GABRB1: variants seen among roughly 807,000 people sequenced by gnomAD.
The protein encoded by GABRB1 is gamma-aminobutyric acid type A receptor subunit beta1.
GABRB1 carries 17 observed loss-of-function variants against 51.6 expected under a neutral mutation model. The ratio of observed to expected loss-of-function variants is 0.33; its 90% CI spans 0.23 to 0.49. The LOEUF is 0.49. GABRB1 is among the 20% of genes least tolerant of loss of function. GABRB1 has a pLI of 0.99. For missense variants in GABRB1, 410 were observed against 600.6 expected (o/e 0.68, Z 3.32); for synonymous variants, 247 against 218.9 (o/e 1.13, Z -1.14).
chr4:47,305,882 A>T (rs1302328874), intron 4 of GABRB1, among the ~76,000 whole-genome samples: 1 of 152,108 alleles, frequency 6.6e-6, no homozygotes, highest in East Asian at 1.9e-4. Context: ...TTAAAATAAG[A>T]GTGTAAGTGG....
chr4:47,368,832 G>T (rs1278695544), intron 5 of GABRB1, among the ~76,000 whole-genome samples: 1 of 152,066 alleles, frequency 6.6e-6, no homozygotes, highest in Non-Finnish European at 1.5e-5. Flanking sequence ...TCTTGGCCAG[G>T]CATGGTGGCT....
intron 3 of GABRB1, among the ~76,000 whole-genome samples, chr4:47,146,779 A>C (rs1011995158): frequency 3.3e-5 from 5 of 152,058 alleles, no homozygotes; most frequent in Admixed American, 3.3e-4. Context: ...ACTTTTCTAG[A>C]TCCTCAGGTG....
intron 1 of GABRB1, among the ~76,000 whole-genome samples, chr4:47,018,395 T>G (rs1471905914): frequency 3.9e-5 from 6 of 152,138 alleles, no homozygotes; most frequent in African/African-American, 1.4e-4. Context: ...TCTAGTCAAT[T>G]GTTAAATTGC....
rs187801423 is a variant in GABRB1 at position 47,108,244 on chromosome 4, C to T, written c.241-53005C>T. Among the ~76,000 whole-genome samples, 1,239 of 152,076 alleles carry T rather than the reference C, an allele frequency of 8.1e-3. 11 individuals are homozygous for T. The highest frequency in any genetic ancestry group is 0.028 in the African/African-American group (1,161 of 41,530). ...GGAATTTTTAAAAGAATACTTTTAG[C>T]TTAGATCTCAGTAGTCGTCTAAATT... is the stretch of plus-strand genomic sequence containing the variant. On this transcript the variant is annotated intron_variant, in intron 3 of 8. Transcript: ENST00000295454.
chr4:47,153,881 C>T (rs899770928), intron 3 of GABRB1, among the ~76,000 whole-genome samples: 2 of 151,898 alleles, frequency 1.3e-5, no homozygotes, highest in Non-Finnish European at 1.5e-5. Context: ...ACACACTAGG[C>T]TACAGCTGGG....
chr4:47,399,014 T>A (rs1728289004), intron 5 of GABRB1, among the ~76,000 whole-genome samples: 1 of 152,144 alleles, frequency 6.6e-6, no homozygotes, highest in South Asian at 2.1e-4. Flanking sequence ...ATGGTCTCAA[T>A]CTCCTGACCT....
intron 4 of GABRB1, among the ~76,000 whole-genome samples, chr4:47,262,081 A>G (rs1578044773): frequency 6.6e-6 from 1 of 151,754 alleles, no homozygotes; most frequent in South Asian, 2.1e-4. Flanking sequence ...ACCTAAAACC[A>G]TAAAAACCCT....
chr4:47,261,273 G>C (rs1272962347), intron 4 of GABRB1, among the ~76,000 whole-genome samples: 1 of 152,158 alleles, frequency 6.6e-6, no homozygotes. Context: ...GTTTGCAGAT[G>C]ACATGATTGT....
intron 5 of GABRB1, among the ~76,000 whole-genome samples, chr4:47,392,232 C>T (rs1728022709): frequency 6.6e-6 from 1 of 151,968 alleles, no homozygotes; most frequent in Non-Finnish European, 1.5e-5. Context: ...TATGGAATTG[C>T]CAAAAGAGAG....
chr4:47,208,059 C>G (rs1720210824), intron 4 of GABRB1, among the ~76,000 whole-genome samples: 1 of 151,976 alleles, frequency 6.6e-6, no homozygotes, highest in African/African-American at 2.4e-5. Context: ...CATTATTCAA[C>G]AGCCAAAAGG....
Position 47,230,888 on chromosome 4 carries a change from C to T in GABRB1, c.461+69419C>T, listed in dbSNP as rs147896859. ...TTCATTGGCTTAGAAACACCTTCTG[C>T]ACACCCAGAGAAAGGTAGTCAAATG... is the stretch of plus-strand genomic sequence containing the variant. On this transcript the variant is annotated intron_variant, in intron 4 of 8. Coordinates refer to ENST00000295454, the MANE Select transcript of GABRB1 (RefSeq NM_000812.4). 2.4e-3 allele frequency among the ~76,000 whole-genome samples: 370 copies of T among 152,256 alleles called. 2 individuals carry two copies. Among genetic ancestry groups the T allele is most frequent in the African/African-American group, 8.7e-3 (361 of 41,568 alleles).
chr4:47,031,575 A>C lies in GABRB1; in HGVS notation c.-77A>C, dbSNP rs1285676814. On this transcript the variant is annotated 5_prime_UTR_variant, in exon 1 of 9. Transcript: ENST00000295454. Reference sequence around the variant, plus strand: ...TGCGCATGCGCAGGTCCATTCGGGAATTACTGCCCAGCAGCCGACTAAGTT... The same window carrying C: ...TGCGCATGCGCAGGTCCATTCGGGACTTACTGCCCAGCAGCCGACTAAGTT... 1.4e-5 allele frequency: 17 copies of C among 1,249,094 alleles called. No individual in the cohort carries two copies. The highest frequency in any genetic ancestry group is 6.0e-5 in the South Asian group (5 of 82,776). The allele number at this position is 1,249,094 out of a possible 1,614,324, so 77.4% of individuals were successfully genotyped here. A position where few individuals can be genotyped will look rare whatever the true frequency, so the allele number is the denominator to read the frequency against.
At chr4:47,378,964 C>CT (rs1727496077) in intron 5 of GABRB1, among the ~76,000 whole-genome samples, 1 of 152,122 alleles carries the variant, frequency 6.6e-6, no homozygotes, top group Non-Finnish European at 1.5e-5. Flanking sequence ...ACCAGAACTG[C>CT]TTTTTCTGGC....
chr4:47,236,712 G>A (rs1721346467), intron 4 of GABRB1, among the ~76,000 whole-genome samples: 1 of 152,132 alleles, frequency 6.6e-6, no homozygotes, highest in Admixed American at 6.6e-5. Context: ...AAGGGAGTAA[G>A]TTTATTTGGG....
chr4:47,289,261 G>A (rs1331521591), intron 4 of GABRB1, among the ~76,000 whole-genome samples: 1 of 152,090 alleles, frequency 6.6e-6, no homozygotes, highest in Non-Finnish European at 1.5e-5. Flanking sequence ...GCCAGTTTTT[G>A]TTTCCGTTTT....
At chr4:47,335,628 G>A (rs542042600) in intron 5 of GABRB1, among the ~76,000 whole-genome samples, 53 of 152,092 alleles carry the variant, frequency 3.5e-4, no homozygotes, top group African/African-American at 1.2e-3. Flanking sequence ...CTTCTGCTAC[G>A]TTGATACCAG....
At chr4:47,284,973 C>T (rs1478515316) in intron 4 of GABRB1, among the ~76,000 whole-genome samples, 1 of 152,046 alleles carries the variant, frequency 6.6e-6, no homozygotes, top group Non-Finnish European at 1.5e-5. Flanking sequence ...AGGATCGTAC[C>T]CCATGAAATA....
intron 3 of GABRB1, among the ~76,000 whole-genome samples, chr4:47,126,893 A>G (rs1316966360): frequency 6.6e-6 from 1 of 152,046 alleles, no homozygotes; most frequent in East Asian, 1.9e-4. Context: ...AGGAGGTAAT[A>G]AAATACCTGA....
At chr4:47,348,219 G>T (rs142652686) in intron 5 of GABRB1, among the ~76,000 whole-genome samples, 2,464 of 152,234 alleles carry the variant, frequency 0.016, 76 homozygotes, top group African/African-American at 0.056. Flanking sequence ...ATGCTGTTCA[G>T]TTACCCTGAA....
Sources: gnomAD v4.1 joint callset for allele counts (sites outside exome capture counted in the v4.1 genomes callset) on GRCh38, gnomAD v4.1.1 for gene constraint, MANE v1.5 for transcripts, NCBI Gene and HGNC (gene_info 2026-07-23, HGNC 2026-07-21) for gene names.